LINGO2: variants seen among roughly 807,000 people sequenced by gnomAD.
LINGO2 encodes leucine rich repeat and Ig domain containing 2.
A neutral mutation model predicts 30.6 loss-of-function variants in LINGO2; 14 were observed. The ratio of observed to expected loss-of-function variants is 0.46; its 90% CI spans 0.30 to 0.72. LINGO2 has a LOEUF of 0.72. Ranked by LOEUF, LINGO2 falls within the 30% of genes least tolerant of loss-of-function variation. LINGO2 has a pLI of 0.07. For synonymous variants in LINGO2, 317 were observed against 288.5 expected, an observed-to-expected ratio of 1.10 and a Z score of -1.00; for missense variants, 729 against 751.7, an observed-to-expected ratio of 0.97 and a Z score of 0.35.
chr9:28,411,134 C>A (rs970332882), intron 2 of LINGO2, among the ~76,000 whole-genome samples: 1 of 146,144 alleles, frequency 6.8e-6, no homozygotes, highest in Admixed American at 6.8e-5. Flanking sequence ...TTAGGAGAGC[C>A]TTCTAAACAA....
chr9:29,118,720 G>A, the LINGO2 span, among the ~76,000 whole-genome samples: 1 of 152,102 alleles, frequency 6.6e-6, no homozygotes, highest in Non-Finnish European at 1.5e-5. Context: ...ACTGCCAAGG[G>A]ACCTGGGAGG....
chr9:28,195,987 CATAA>C (rs1306038600), intron 4 of LINGO2, among the ~76,000 whole-genome samples: 21 of 151,340 alleles, frequency 1.4e-4, no homozygotes, highest in South Asian at 6.3e-4. Flanking sequence ...AATGCTTTAA[CATAA>C]ATAAATATAT....
chr9:27,963,744 A>C (rs1399522863), intron 5 of LINGO2, among the ~76,000 whole-genome samples: 1 of 151,920 alleles, frequency 6.6e-6, no homozygotes, highest in Non-Finnish European at 1.5e-5. Flanking sequence ...AGGGTAAAAA[A>C]AAAAAAAAAG....
chr9:28,062,852 C>T (rs1039833081), intron 4 of LINGO2, among the ~76,000 whole-genome samples: 4 of 151,732 alleles, frequency 2.6e-5, no homozygotes, highest in African/African-American at 4.8e-5. Flanking sequence ...TCAATTACTC[C>T]AAAAATTCTT....
chr9:28,220,003 C>G (rs1164106307), intron 4 of LINGO2, among the ~76,000 whole-genome samples: 1 of 152,034 alleles, frequency 6.6e-6, no homozygotes, highest in Non-Finnish European at 1.5e-5. Flanking sequence ...TATACTGAGC[C>G]TGCACAAAGT....
chr9:28,007,980 C>T (rs1026867710), intron 5 of LINGO2, among the ~76,000 whole-genome samples: 4 of 152,128 alleles, frequency 2.6e-5, no homozygotes, highest in South Asian at 2.1e-4. Context: ...TGGCATCTTC[C>T]GCCGAGCTTA....
At chr9:28,932,902 A>ATATTATTATTAT in the LINGO2 span, among the ~76,000 whole-genome samples, 38 of 149,886 alleles carry the variant, frequency 2.5e-4, no homozygotes, top group African/African-American at 5.1e-4. Flanking sequence ...TCTTTTTATT[A>ATATTATTATTAT]TATTATTATT....
At chr9:28,908,861 ACTGATTATTTC>A in the LINGO2 span, among the ~76,000 whole-genome samples, 1 of 151,880 alleles carries the variant, frequency 6.6e-6, no homozygotes, top group African/African-American at 2.4e-5. Context: ...ATTTTATAAG[ACTGATTATTTC>A]CTATAATATA....
At chr9:28,994,054 G>A in the LINGO2 span, among the ~76,000 whole-genome samples, 16 of 151,446 alleles carry the variant, frequency 1.1e-4, no homozygotes, top group Admixed American at 5.3e-4. Context: ...AGGGTATTCA[G>A]TTAGGAAAAG....
the LINGO2 span, chr9:27,940,150 CTTAT>C: frequency 1.4e-4 from 22 of 151,918 alleles, no homozygotes; most frequent in African/African-American, 4.6e-4. Flanking sequence ...TTTAAATTTT[CTTAT>C]TTTTTTCCCC....
the LINGO2 span, among the ~76,000 whole-genome samples, chr9:28,745,310 T>C: frequency 6.6e-6 from 1 of 152,050 alleles, no homozygotes; most frequent in Non-Finnish European, 1.5e-5. Flanking sequence ...TCTATGTTGG[T>C]TGGTATGCAT....
chr9:28,049,464 G>GTGGC (rs1824571368), intron 4 of LINGO2, among the ~76,000 whole-genome samples: 1 of 150,472 alleles, frequency 6.6e-6, no homozygotes, highest in Non-Finnish European at 1.5e-5. Flanking sequence ...AAAAGGATAA[G>GTGGC]TGGCTGGAGG....
intron 4 of LINGO2, chr9:28,012,548 A>G (rs1822611432): frequency 6.6e-6 from 1 of 152,126 alleles, no homozygotes; most frequent in Non-Finnish European, 1.5e-5. Flanking sequence ...ATAGTTTTAC[A>G]AGACGTAGCC....
At chr9:28,273,520 A>T (rs1823014666) in intron 4 of LINGO2, among the ~76,000 whole-genome samples, 2 of 152,338 alleles carry the variant, frequency 1.3e-5, no homozygotes, top group Non-Finnish European at 1.5e-5. Flanking sequence ...CAGGAAAGCT[A>T]TGTGGCAGGT....
chr9:29,109,465 T>C, the LINGO2 span, among the ~76,000 whole-genome samples: 3 of 152,202 alleles, frequency 2.0e-5, no homozygotes, highest in African/African-American at 4.8e-5. Context: ...ATTAGATCCA[T>C]GCAATTTGGG....
the LINGO2 span, among the ~76,000 whole-genome samples, chr9:28,812,529 G>T: frequency 6.6e-6 from 1 of 152,264 alleles, no homozygotes; most frequent in East Asian, 1.9e-4. Flanking sequence ...TGGTCCAGTT[G>T]TATACCCAAT....
intron 2 of LINGO2, among the ~76,000 whole-genome samples, chr9:28,460,018 T>C (rs1825014706): frequency 6.6e-6 from 1 of 152,144 alleles, no homozygotes; most frequent in Non-Finnish European, 1.5e-5. Context: ...ATATTTATTC[T>C]TGTGTGTCTG....
the LINGO2 span, among the ~76,000 whole-genome samples, chr9:28,898,696 G>A: frequency 1.3e-5 from 2 of 151,784 alleles, no homozygotes; most frequent in Admixed American, 6.6e-5. Context: ...TTGACTTCCC[G>A]AAACACTACA....
At chr9:28,937,806 T>C in the LINGO2 span, among the ~76,000 whole-genome samples, 13 of 152,266 alleles carry the variant, frequency 8.5e-5, no homozygotes, top group Admixed American at 8.5e-4. Flanking sequence ...TTTCCACTTT[T>C]ATTTTAAGTT....
Sources: allele counts gnomAD v4.1 joint callset (sites outside exome capture counted in the v4.1 genomes callset), GRCh38; gene constraint gnomAD v4.1.1; transcripts MANE v1.5; gene names NCBI Gene and HGNC (gene_info 2026-07-23, HGNC 2026-07-21).